RIT2: variants seen among roughly 807,000 people sequenced by gnomAD.
RIT2 encodes the protein Ras like without CAAX 2.
RIT2 carries 24 observed loss-of-function variants against 23.7 expected under a neutral mutation model. The observed-to-expected ratio is 1.01, with a 90% confidence interval of 0.73 to 1.43. The LOEUF is 1.43. Among genes scored for constraint, RIT2 ranks in the 40% most tolerant of loss-of-function variants. The pLI, the probability that RIT2 is intolerant of heterozygous loss-of-function variation, is 0.00. For missense variants in RIT2, 236 were observed against 266.9 expected (o/e 0.88, Z 0.81); for synonymous variants, 107 against 91.1 (o/e 1.17, Z -0.99).
intron 4 of RIT2, among the ~76,000 whole-genome samples, chr18:42,781,827 A>C (rs965022659): frequency 6.6e-6 from 1 of 152,190 alleles, no homozygotes; most frequent in African/African-American, 2.4e-5. Context: ...CTTCTATTAC[A>C]GTTGTAAGCA....
chr18:43,088,637 C>A (rs971153557), intron 1 of RIT2, among the ~76,000 whole-genome samples: 4 of 152,172 alleles, frequency 2.6e-5, no homozygotes, highest in Admixed American at 6.6e-5. Context: ...AATTTGTCCA[C>A]AAATATTTTC....
intron 4 of RIT2, among the ~76,000 whole-genome samples, chr18:42,852,874 C>T (rs1456285210): frequency 6.9e-6 from 1 of 144,710 alleles, no homozygotes; most frequent in Non-Finnish European, 1.5e-5. Context: ...TTCTCTGTCT[C>T]CCAGGCTGGA....
chr18:43,112,186 CTT>C (rs1349572861), intron 1 of RIT2, among the ~76,000 whole-genome samples: 1 of 152,086 alleles, frequency 6.6e-6, no homozygotes, highest in East Asian at 1.9e-4. Flanking sequence ...TGATGCAACT[CTT>C]TGTTCTTCTC....
intron 1 of RIT2, among the ~76,000 whole-genome samples, chr18:43,105,806 T>C (rs1390584263): frequency 2.0e-5 from 3 of 152,318 alleles, no homozygotes; most frequent in South Asian, 2.1e-4. Flanking sequence ...GTAGTTATTA[T>C]TGTCATCCCC....
In RIT2 at chr18:42,942,825, C is replaced by G. The variant is rs181715178; in HGVS notation, c.235-19062G>C. 3.2e-3 allele frequency among the ~76,000 whole-genome samples: 483 copies of G among 152,226 alleles called. 2 individuals are homozygous for G. Among genetic ancestry groups the G allele is most frequent in the African/African-American group, 0.011 (438 of 41,554 alleles). The stretch of plus-strand genomic sequence containing the variant: ...ATTGTAAAATAAAAATTCACCAAAT[C>G]TGCATAATCATATAAATGTTTGACA... On this transcript the variant is annotated intron_variant, in intron 3 of 4. Transcript: ENST00000326695.
intron 2 of RIT2, among the ~76,000 whole-genome samples, chr18:43,011,107 C>T (rs1206812874): frequency 6.6e-6 from 1 of 151,672 alleles, no homozygotes; most frequent in Non-Finnish European, 1.5e-5. Context: ...CAGAGGATAT[C>T]CAAATGACAA....
rs372756206 is a variant in RIT2, at chr18:42,898,729, T to C, written c.426+24843A>G. Among the ~76,000 whole-genome samples the C allele has an allele frequency of 2.0e-4, 30 of 152,318 alleles. No homozygotes were observed. In the East Asian group the frequency reaches 3.1e-3, roughly 16 times the overall value. ...ATTCCATGTGATCATCACTTCCTTT[T>C]AGTTATCTTCGATCTTGCCTGACTC... On this transcript the variant is annotated intron_variant, in intron 4 of 4. Transcript: ENST00000326695.
chr18:42,748,817 C>G (rs150874513), intron 4 of RIT2, among the ~76,000 whole-genome samples: 1 of 151,796 alleles, frequency 6.6e-6, no homozygotes, highest in African/African-American at 2.4e-5. Context: ...GTACACTACT[C>G]GGGTGATGAA....
rs1055406840 is a variant in RIT2 at position 42,855,042 on chromosome 18, G to C, written c.426+68530C>G. On this transcript the variant is annotated intron_variant, in intron 4 of 4. Coordinates refer to ENST00000326695, the MANE Select transcript of RIT2 (RefSeq NM_002930.4). ...ACATTTCTATGATAAAATTTAGGGAGAGTCAACATCCAACAATTTTCTAAA... is the reference window on the plus strand; with the variant it reads ...ACATTTCTATGATAAAATTTAGGGACAGTCAACATCCAACAATTTTCTAAA... 7.9e-5 allele frequency among the ~76,000 whole-genome samples: 12 copies of C among 152,144 alleles called. 1 individual carries two copies. Among genetic ancestry groups the C allele is most frequent in the Admixed American group, 7.2e-4 (11 of 15,266 alleles).
At chr18:42,927,345 G>A (rs978196006) in intron 3 of RIT2, among the ~76,000 whole-genome samples, 8 of 148,910 alleles carry the variant, frequency 5.4e-5, no homozygotes, top group African/African-American at 9.8e-5. Flanking sequence ...TACACAACAC[G>A]TATATATGTT....
chr18:42,846,775 G>A (rs183579508), intron 4 of RIT2, among the ~76,000 whole-genome samples: 235 of 152,074 alleles, frequency 1.5e-3, no homozygotes, highest in African/African-American at 5.4e-3. Flanking sequence ...AAAAAGGAAC[G>A]CTTCAAATTT....
intron 2 of RIT2, among the ~76,000 whole-genome samples, chr18:42,996,089 T>TTCTTAG (rs1030816716): frequency 3.9e-5 from 6 of 152,332 alleles, no homozygotes; most frequent in African/African-American, 1.4e-4. Context: ...AGACCTTTAA[T>TTCTTAG]ACCTGTTTTT....
At chr18:42,971,427 T>C (rs1453146839) in intron 3 of RIT2, among the ~76,000 whole-genome samples, 1 of 152,084 alleles carries the variant, frequency 6.6e-6, no homozygotes, top group East Asian at 1.9e-4. Context: ...GTTTGCCAGT[T>C]TCTCAGTATT....
intron 2 of RIT2, among the ~76,000 whole-genome samples, chr18:42,976,698 T>C (rs1568044728): frequency 6.6e-6 from 1 of 152,092 alleles, no homozygotes; most frequent in Non-Finnish European, 1.5e-5. Context: ...AATATGTTCA[T>C]TATTATTAAG....
chr18:43,099,122 T>G (rs1913623359), intron 1 of RIT2, among the ~76,000 whole-genome samples: 1 of 152,086 alleles, frequency 6.6e-6, no homozygotes, highest in Admixed American at 6.6e-5. Context: ...AAGATCAGCT[T>G]TGATGCTTTG....
intron 2 of RIT2, among the ~76,000 whole-genome samples, chr18:42,984,193 G>C (rs865789122): frequency 6.6e-6 from 1 of 152,002 alleles, no homozygotes. Context: ...CACAAACTGT[G>C]ATACAACCAT....
chr18:42,779,709 C>A (rs954530367), intron 4 of RIT2, among the ~76,000 whole-genome samples: 1 of 152,064 alleles, frequency 6.6e-6, no homozygotes, highest in Non-Finnish European at 1.5e-5. Flanking sequence ...GAGAGAATTA[C>A]TGAAAAAGTC....
chr18:43,068,083 A>C (rs564234646), intron 1 of RIT2, among the ~76,000 whole-genome samples: 1 of 152,202 alleles, frequency 6.6e-6, no homozygotes, highest in African/African-American at 2.4e-5. Context: ...ATGACCTGGA[A>C]ATACAATTGT....
intron 4 of RIT2, among the ~76,000 whole-genome samples, chr18:42,892,847 G>A (rs985803397): frequency 1.3e-5 from 2 of 152,168 alleles, no homozygotes; most frequent in Non-Finnish European, 2.9e-5. Context: ...TGTGTTAGCA[G>A]TTCTCTGGAT....
Sources: allele counts gnomAD v4.1 joint callset (sites outside exome capture counted in the v4.1 genomes callset), GRCh38; gene constraint gnomAD v4.1.1; transcripts MANE v1.5; gene names NCBI Gene and HGNC (gene_info 2026-07-23, HGNC 2026-07-21).